Variants in LRRC63 observed in about 807,000 individuals in gnomAD.
The protein encoded by LRRC63 is leucine-rich repeat-containing protein 63.
Under a neutral mutation model 49.5 loss-of-function variants are expected in LRRC63, and 40 were observed. The observed-to-expected ratio is 0.81, with a 90% CI of 0.63 to 1.05. The LOEUF is 1.05. LRRC63 is among the 50% of genes least tolerant of loss of function. The pLI is 0.00. For missense variants in LRRC63, 636 were observed against 663.1 expected, an observed-to-expected ratio of 0.96 and a Z score of 0.45; for synonymous variants, 191 against 221.1, an observed-to-expected ratio of 0.86 and a Z score of 1.21.
At chr13:46,234,965 A>T (rs1179811877) in intron 5 of LRRC63, among the ~76,000 whole-genome samples, 1 of 152,160 alleles carries the variant, frequency 6.6e-6, no homozygotes, top group East Asian at 1.9e-4. Context: ...AAGTTGTAAA[A>T]ATAGGAAAAG....
intron 2 of LRRC63, among the ~76,000 whole-genome samples, chr13:46,217,230 G>T (rs186749219): frequency 6.6e-6 from 1 of 152,122 alleles, no homozygotes; most frequent in African/African-American, 2.4e-5. Flanking sequence ...CTGTGAATCT[G>T]TCTGGTCCTG....
At chr13:46,270,084 C>A in intron 9 of LRRC63, 1 of 601,654 alleles carries the variant, frequency 1.7e-6, no homozygotes, top group Non-Finnish European at 3.0e-6. Flanking sequence ...ACCATGGCTA[C>A]CGAGCGCCAA....
At chr13:46,261,142 T>C (rs1191298871) in intron 7 of LRRC63, among the ~76,000 whole-genome samples, 1 of 152,214 alleles carries the variant, frequency 6.6e-6, no homozygotes, top group African/African-American at 2.4e-5. Flanking sequence ...TTGTATTCTT[T>C]GGTTCTCACC....
chr13:46,237,311 T>A (rs932070608), intron 5 of LRRC63, among the ~76,000 whole-genome samples: 7 of 152,172 alleles, frequency 4.6e-5, no homozygotes, highest in Admixed American at 6.5e-5. Flanking sequence ...TATTTCCTTA[T>A]GCATTTTGAA....
intron 9 of LRRC63, among the ~76,000 whole-genome samples, chr13:46,271,000 G>A (rs1330331753): frequency 6.6e-6 from 1 of 152,198 alleles, no homozygotes; most frequent in East Asian, 1.9e-4. Context: ...TAATCCAGAA[G>A]TAAATACATT....
intron 9 of LRRC63, among the ~76,000 whole-genome samples, chr13:46,271,138 G>A (rs1253607315): frequency 6.6e-6 from 1 of 152,076 alleles, no homozygotes; most frequent in Non-Finnish European, 1.5e-5. Context: ...TTTCCAAAGA[G>A]CCGACTGCAG....
intron 5 of LRRC63, among the ~76,000 whole-genome samples, chr13:46,235,003 G>A (rs2046866122): frequency 6.6e-6 from 1 of 152,126 alleles, no homozygotes; most frequent in Non-Finnish European, 1.5e-5. Flanking sequence ...GAAAAATTAG[G>A]CATTAAAATA....
chr13:46,221,107 C>T (rs963809048), intron 2 of LRRC63, among the ~76,000 whole-genome samples: 2 of 152,080 alleles, frequency 1.3e-5, no homozygotes, highest in Non-Finnish European at 2.9e-5. Flanking sequence ...TATCATTGTA[C>T]CCCCAGCACT....
intron 7 of LRRC63, among the ~76,000 whole-genome samples, chr13:46,252,935 A>C (rs2047422286): frequency 6.6e-6 from 1 of 152,098 alleles, no homozygotes; most frequent in South Asian, 2.1e-4. Flanking sequence ...GTATGCAACA[A>C]GAAACCATTA....
At chr13:46,263,106 A>G (rs2047636901) in intron 8 of LRRC63, among the ~76,000 whole-genome samples, 1 of 151,780 alleles carries the variant, frequency 6.6e-6, no homozygotes, top group Admixed American at 6.6e-5. Context: ...CTTATTATTT[A>G]TTTACTTTCC....
At position 46,227,533 on chromosome 13, in the gene LRRC63, C is replaced by A; in HGVS notation, c.107C>A (p.Ser36Ter). The stretch of plus-strand genomic sequence containing the variant: ...TTAGCTAAAACTGGTAAAATTGAGT[C>A]ACTACATGTAGCATTCACTGAAGAT... The change falls in exon 3 of 10, where the codon TCA becomes TAA. Residue 36 changes from serine to a stop codon, truncating the protein, a stop_gained. Coordinates refer to ENST00000595396, the Ensembl canonical transcript of LRRC63. LOFTEE classifies it high-confidence loss of function. 2 of 1,482,808 alleles carry A rather than the reference C, an allele frequency of 1.3e-6. No individual in the cohort carries two copies. Among genetic ancestry groups the A allele is most frequent in the South Asian group, 1.4e-5 (1 of 71,344 alleles). 91.9% of individuals were successfully genotyped at this position (1,482,808 alleles called of 1,614,324 possible). A position where few individuals can be genotyped will look rare whatever the true frequency, so the allele number is the denominator to read the frequency against.
intron 4 of LRRC63, among the ~76,000 whole-genome samples, chr13:46,231,186 G>C (rs2046744650): frequency 6.6e-6 from 1 of 152,090 alleles, no homozygotes; most frequent in South Asian, 2.1e-4. Flanking sequence ...TCCAACCTCT[G>C]CCTGTTACCT....
intron 2 of LRRC63, among the ~76,000 whole-genome samples, chr13:46,216,969 T>C (rs1266337162): frequency 6.6e-6 from 1 of 152,234 alleles, no homozygotes; most frequent in Non-Finnish European, 1.5e-5. Flanking sequence ...GACTTGATTG[T>C]GGTGGATAAG....
intron 7 of LRRC63, among the ~76,000 whole-genome samples, chr13:46,257,035 C>T (rs2047523184): frequency 2.0e-5 from 3 of 152,070 alleles, no homozygotes; most frequent in Admixed American, 2.0e-4. Flanking sequence ...TGAGTGGTCC[C>T]AATCAAATCA....
At chr13:46,222,775 G>A (rs1255513913) in intron 2 of LRRC63, among the ~76,000 whole-genome samples, 2 of 151,408 alleles carry the variant, frequency 1.3e-5, no homozygotes, top group African/African-American at 2.4e-5. Flanking sequence ...TGTTTATTGA[G>A]GCACTATTCA....
At chr13:46,216,291 C>T (rs910856506) in intron 2 of LRRC63, among the ~76,000 whole-genome samples, 1 of 152,026 alleles carries the variant, frequency 6.6e-6, no homozygotes, top group Non-Finnish European at 1.5e-5. Flanking sequence ...CTCTTATTTC[C>T]TTGAGCAGTG....
At chr13:46,274,504 C>T (rs1594104559) in intron 9 of LRRC63, among the ~76,000 whole-genome samples, 1 of 152,148 alleles carries the variant, frequency 6.6e-6, no homozygotes, top group Admixed American at 6.5e-5. Context: ...CCAATGGCTG[C>T]CCTGTCAATT....
At chr13:46,266,926 A>G in exon 9 of LRRC63, 1 of 1,547,588 alleles carries the variant, frequency 6.5e-7, no homozygotes, top group Non-Finnish European at 8.7e-7. Flanking sequence ...TAAACTACAT[A>G]AATTTTATGA....
At chr13:46,258,584 C>G (rs1216909091) in intron 7 of LRRC63, among the ~76,000 whole-genome samples, 1 of 150,258 alleles carries the variant, frequency 6.7e-6, no homozygotes, top group African/African-American at 2.4e-5. Context: ...CCGGGGTGGG[C>G]GAATCACGAG....
Sources: allele counts gnomAD v4.1 joint callset (sites outside exome capture counted in the v4.1 genomes callset), GRCh38; gene constraint gnomAD v4.1.1; transcripts MANE v1.5; gene names NCBI Gene and HGNC (gene_info 2026-07-23, HGNC 2026-07-21).